The following MAML3 variants were observed in gnomAD, a reference collection of about 807,000 sequenced individuals.
MAML3 encodes the protein mastermind-like protein 3.
MAML3 carries 27 observed loss-of-function variants against 101.9 expected under a neutral mutation model. That is an observed-to-expected ratio of 0.27 (90% CI 0.20 to 0.37). The LOEUF is 0.37. Ranked by LOEUF, MAML3 falls within the 10% of genes least tolerant of loss-of-function variation. The probability of loss-of-function intolerance (pLI) is 1.00; values close to 1 mark genes in which losing one functional copy is unlikely to be tolerated. For missense variants in MAML3, 1,316 were observed against 1,444.9 expected (o/e 0.91, Z 1.45); for synonymous variants, 501 against 555.9 (o/e 0.90, Z 1.39).
chr4:139,853,994 T>C (rs183943126), intron 2 of MAML3, among the ~76,000 whole-genome samples: 1 of 152,000 alleles, frequency 6.6e-6, no homozygotes, highest in East Asian at 1.9e-4. Flanking sequence ...GCTAATTTTT[T>C]TGTAATTTTG....
intron 2 of MAML3, among the ~76,000 whole-genome samples, chr4:139,742,869 G>A (rs1729211386): frequency 6.6e-6 from 1 of 152,070 alleles, no homozygotes; most frequent in Non-Finnish European, 1.5e-5. Context: ...CAAAGATGGA[G>A]GTTATGCACC....
At chr4:140,144,680 T>C (rs1729027966) in intron 1 of MAML3, among the ~76,000 whole-genome samples, 1 of 152,110 alleles carries the variant, frequency 6.6e-6, no homozygotes, top group Non-Finnish European at 1.5e-5. Context: ...ATATAGCCAT[T>C]AGCTCTTAAA....
chr4:139,782,210 T>G (rs1365396447), intron 2 of MAML3, among the ~76,000 whole-genome samples: 1 of 152,214 alleles, frequency 6.6e-6, no homozygotes, highest in South Asian at 2.1e-4. Flanking sequence ...TTACTCAGTC[T>G]GGAGTGTAGT....
intron 1 of MAML3, among the ~76,000 whole-genome samples, chr4:139,916,732 T>C (rs1429932947): frequency 6.6e-6 from 1 of 152,198 alleles, no homozygotes; most frequent in African/African-American, 2.4e-5. Context: ...TTTCCTCTTA[T>C]TCATAAGATA....
intron 2 of MAML3, among the ~76,000 whole-genome samples, chr4:139,857,815 C>T (rs1386348137): frequency 6.6e-6 from 1 of 152,186 alleles, no homozygotes; most frequent in East Asian, 1.9e-4. Flanking sequence ...GTCTTCCCTA[C>T]TTCGGGCAAA....
chr4:139,772,845 C>T (rs1228924940), intron 2 of MAML3, among the ~76,000 whole-genome samples: 5 of 150,086 alleles, frequency 3.3e-5, no homozygotes, highest in East Asian at 2.0e-4. Flanking sequence ...TTTGGGAGGC[C>T]GAGGAGGGCA....
chr4:139,932,044 A>T (rs1335892456), intron 1 of MAML3, among the ~76,000 whole-genome samples: 19 of 152,010 alleles, frequency 1.2e-4, no homozygotes, highest in Admixed American at 1.2e-3. Flanking sequence ...TTTAGAAATA[A>T]TTTTTTGATT....
chr4:139,964,499 C>T (rs1422199476), intron 1 of MAML3, among the ~76,000 whole-genome samples: 2 of 152,062 alleles, frequency 1.3e-5, no homozygotes, highest in African/African-American at 2.4e-5. Flanking sequence ...CAAACCACCA[C>T]GGCCCATGTA....
At chr4:140,110,686 A>G (rs1728426129) in intron 1 of MAML3, among the ~76,000 whole-genome samples, 1 of 152,252 alleles carries the variant, frequency 6.6e-6, no homozygotes, top group Admixed American at 6.5e-5. Flanking sequence ...AACTACAAAA[A>G]GCAAAAAATG....
At chr4:139,953,020 A>T (rs973648352) in intron 1 of MAML3, among the ~76,000 whole-genome samples, 1 of 152,180 alleles carries the variant, frequency 6.6e-6, no homozygotes, top group Non-Finnish European at 1.5e-5. Context: ...TCTATCACAA[A>T]AGTTATTTTA....
intron 4 of MAML3, among the ~76,000 whole-genome samples, chr4:139,725,182 G>A (rs1728416984): frequency 1.3e-5 from 2 of 152,130 alleles, no homozygotes; most frequent in Non-Finnish European, 2.9e-5. Flanking sequence ...TAGGATTCCC[G>A]CAAACGGCTA....
At chr4:139,999,989 C>G (rs945696149) in intron 1 of MAML3, among the ~76,000 whole-genome samples, 1 of 152,088 alleles carries the variant, frequency 6.6e-6, no homozygotes, top group African/African-American at 2.4e-5. Context: ...ACATGTATAC[C>G]AAGTGTGTCA....
chr4:139,961,137 T>C (rs987634073), intron 1 of MAML3, among the ~76,000 whole-genome samples: 1 of 152,194 alleles, frequency 6.6e-6, no homozygotes, highest in Non-Finnish European at 1.5e-5. Context: ...AGAGGTGGCC[T>C]CTCTGGGGAA....
intron 1 of MAML3, among the ~76,000 whole-genome samples, chr4:139,925,386 C>T (rs1199055287): frequency 6.6e-6 from 1 of 152,166 alleles, no homozygotes; most frequent in African/African-American, 2.4e-5. Flanking sequence ...CCCGCTACCA[C>T]ACCCAGCTAA....
intron 1 of MAML3, among the ~76,000 whole-genome samples, chr4:139,972,025 C>G (rs1013390624): frequency 1.3e-5 from 2 of 152,134 alleles, no homozygotes; most frequent in Non-Finnish European, 2.9e-5. Context: ...TTTTGATGTT[C>G]TTTTAAATAC....
chr4:139,858,406 T>C (rs1164923792), intron 2 of MAML3, among the ~76,000 whole-genome samples: 1 of 151,666 alleles, frequency 6.6e-6, no homozygotes, highest in East Asian at 1.9e-4. Flanking sequence ...TTCATAACAA[T>C]TTTGACCAGA....
intron 1 of MAML3, among the ~76,000 whole-genome samples, chr4:140,020,268 A>G (rs930052830): frequency 2.6e-5 from 4 of 152,200 alleles, no homozygotes; most frequent in African/African-American, 9.6e-5. Context: ...GTCCTAATGC[A>G]AACAAAAGAC....
chr4:139,772,108 C>T (rs1230006493), intron 2 of MAML3, among the ~76,000 whole-genome samples: 1 of 150,964 alleles, frequency 6.6e-6, no homozygotes, highest in African/African-American at 2.4e-5. Context: ...GGCGCGGTGG[C>T]AGGTGCCTGT....
intron 1 of MAML3, among the ~76,000 whole-genome samples, chr4:139,948,887 A>G (rs1733782402): frequency 6.6e-6 from 1 of 152,230 alleles, no homozygotes; most frequent in African/African-American, 2.4e-5. Flanking sequence ...GTAATACACT[A>G]GTAGTGCCAG....
Sources: gnomAD v4.1 joint callset for allele counts (sites outside exome capture counted in the v4.1 genomes callset) on GRCh38, gnomAD v4.1.1 for gene constraint, MANE v1.5 for transcripts, NCBI Gene and HGNC (gene_info 2026-07-23, HGNC 2026-07-21) for gene names.